Variants in HEMK1 observed in about 807,000 individuals in gnomAD.
HEMK1 encodes the protein HemK methyltransferase 1, mitochondrial release factors N(5)-glutamine.
Under a neutral mutation model 47.9 loss-of-function variants are expected in HEMK1, and 36 were observed. The observed-to-expected ratio is 0.75, with a 90% CI of 0.58 to 0.99. The LOEUF (loss-of-function observed/expected upper bound fraction) is 0.99, where lower values mean the gene tolerates loss of function less well. HEMK1 is among the 50% of genes least tolerant of loss of function. The pLI, the probability that HEMK1 is intolerant of heterozygous loss-of-function variation, is 0.00. For missense variants in HEMK1, 383 were observed against 434.5 expected, an observed-to-expected ratio of 0.88 and a Z score of 1.05; for synonymous variants, 153 against 165.4, an observed-to-expected ratio of 0.93 and a Z score of 0.57.
In HEMK1 at chr3:50,579,870, G is replaced by A. The variant is rs373558264; in HGVS notation, c.797G>A (p.Gly266Asp). The A allele has an allele frequency of 6.2e-7, 1 of 1,613,966 alleles. No homozygotes were observed. Among genetic ancestry groups the A allele is most frequent in the East Asian group, 2.2e-5 (1 of 44,874 alleles). ...TATGAAGACCCCGCGGCCCTGGATG[G>A]TGGGGAGGAGGGCATGGACATCATT... ...RSYEDPAALDGGEEGMDIITH... is the reference protein window; with the variant it reads ...RSYEDPAALDDGEEGMDIITH... Residue 266 changes from glycine (G) to aspartate (D), a missense_variant, in exon 9 of 11, where the codon GGT (glycine) becomes GAT (aspartate). Coordinates refer to ENST00000232854, the MANE Select transcript of HEMK1 (RefSeq NM_016173.5).
chr3:50,572,173 G>T lies in HEMK1; in HGVS notation c.379G>T (p.Val127Leu), dbSNP rs1314276299. Reference sequence around the variant, plus strand: ...CTTCCAGGGGCTCAGCCTAAGGATGGTGCCCCCAGTGTTTATTCCTCGGCC... The same window carrying T: ...CTTCCAGGGGCTCAGCCTAAGGATGTTGCCCCCAGTGTTTATTCCTCGGCC... ...WDFQGLSLRM[V>L]PPVFIPRPET... The change falls in exon 4 of 11, where the codon GTG becomes TTG. Residue 127 changes from valine to leucine, a missense_variant. Val to Leu is a conservative substitution (Grantham distance 32, BLOSUM62 1). Coordinates refer to ENST00000232854, the MANE Select transcript of HEMK1 (RefSeq NM_016173.5). 1 of 1,613,808 alleles carries T rather than the reference G, an allele frequency of 6.2e-7. No individual in the cohort carries two copies. Among genetic ancestry groups the T allele is most frequent in the African/African-American group, 1.3e-5 (1 of 74,882 alleles).
chr3:50,579,019 G>T, intron 8 of HEMK1, 93 bp downstream of exon 8: 2 of 922,328 alleles, frequency 2.2e-6, no homozygotes, highest in Non-Finnish European at 3.4e-6. Context: ...AGGGACAGGG[G>T]AGTTGGTGCT....
In HEMK1 at chr3:50,571,225, G is replaced by T. The variant is rs373864660; in HGVS notation, c.121G>T (p.Ala41Ser). The T allele has an allele frequency of 1.2e-6, 2 of 1,613,792 alleles. No individual in the cohort carries two copies. Among genetic ancestry groups the T allele is most frequent in the African/African-American group, 1.3e-5 (1 of 74,918 alleles). The change falls in exon 2 of 11, where the codon GCC (alanine) becomes TCC (serine). Residue 41 changes from alanine (A) to serine (S), a missense_variant. Coordinates refer to ENST00000232854, the MANE Select transcript of HEMK1 (RefSeq NM_016173.5). ...PQPPLAGLSS[A>S]IELVSHWTGV... is the part of the protein sequence containing the mutation. ...ACCACCTCTGGCTGGGTTATCCAGT[G>T]CCATAGAACTGGTCAGCCACTGGAC... is the stretch of plus-strand genomic sequence containing the variant.
Position 50,570,182 on chromosome 3 carries a change from T to A in HEMK1, c.-175+608T>A, listed in dbSNP as rs571395478. ...ACCTGAGTGACGCTGGGCAAGTCGC[T>A]TCCCTTCTCTGACCCTACTTGTATC... On this transcript the variant is annotated intron_variant, in intron 1 of 10. Coordinates refer to ENST00000232854, the MANE Select transcript of HEMK1 (RefSeq NM_016173.5). 5 of 152,334 alleles carry A rather than the reference T, an allele frequency of 3.3e-5. No homozygotes were observed. In the East Asian group the frequency reaches 9.7e-4, roughly 29 times the overall value. 9.4% of individuals were successfully genotyped at this position (152,334 alleles called of 1,614,324 possible). A position where few individuals can be genotyped will look rare whatever the true frequency, so the allele number is the denominator to read the frequency against.
intron 5 of HEMK1, 39 bp from the exon 6 acceptor site, chr3:50,577,470 C>T (rs1437880726): frequency 1.3e-5 from 21 of 1,594,908 alleles, no homozygotes; most frequent in Non-Finnish European, 1.8e-5. Context: ...CATCTCTCAG[C>T]ATTGCCTTCC....
At chr3:50,577,264 T>C in intron 5 of HEMK1, 78 bp downstream of exon 5, 1 of 1,501,754 alleles carries the variant, frequency 6.7e-7, no homozygotes, top group Non-Finnish European at 9.1e-7. Context: ...CCCACATCCC[T>C]CTGCTAGGAG....
Position 50,585,857 on chromosome 3 carries a change from C to G in HEMK1, c.*5440C>G, listed in dbSNP as rs1435456199. The G allele has an allele frequency of 6.6e-6, 1 of 152,216 alleles. No homozygotes were observed. The highest frequency in any genetic ancestry group is 1.5e-5 in the Non-Finnish European group (1 of 68,044). 9.4% of individuals were successfully genotyped at this position (152,216 alleles called of 1,614,324 possible). ...GTAACACAGCACTTGACTCCTGACT[C>G]CCAGTATGATGCTCTCATCTCCTAT... On this transcript the variant is annotated 3_prime_UTR_variant, in exon 11 of 11. Transcript: ENST00000232854.
At chr3:50,577,680 C>T (rs2029921911) in intron 6 of HEMK1, 107 bp downstream of exon 6, 12 of 1,381,846 alleles carry the variant, frequency 8.7e-6, no homozygotes, top group Non-Finnish European at 1.2e-5. Context: ...AGTGGGGTAG[C>T]CTGGCATGGG....
In HEMK1 at chr3:50,584,510, G is replaced by GT. The variant is rs1408501484; in HGVS notation, c.*4094dup. Reference sequence around the variant, plus strand: ...ACTGAGTATAATCACAAGGGCCTCTGTAAAGGAGGCAGGAGTGTCAGAGTG... The same window carrying GT: ...ACTGAGTATAATCACAAGGGCCTCTGTTAAAGGAGGCAGGAGTGTCAGAGTG... On this transcript the variant is annotated 3_prime_UTR_variant, in exon 11 of 11. Coordinates refer to ENST00000232854, the MANE Select transcript of HEMK1 (RefSeq NM_016173.5). 6.6e-6 allele frequency: 1 copy of GT among 152,248 alleles called. No individual in the cohort carries two copies. Among genetic ancestry groups the GT allele is most frequent in the Non-Finnish European group, 1.5e-5 (1 of 68,052 alleles). 9.4% of individuals were successfully genotyped at this position (152,248 alleles called of 1,614,324 possible). A position where few individuals can be genotyped will look rare whatever the true frequency, so the allele number is the denominator to read the frequency against.
intron 1 of HEMK1, 159 bp from the exon 2 acceptor site, chr3:50,570,772 T>C (rs915126507): frequency 9.1e-6 from 2 of 220,882 alleles, no homozygotes; most frequent in African/African-American, 4.6e-5. Flanking sequence ...GAAGAAAACG[T>C]AAGTGGCCAA....
chr3:50,582,336 T>A lies in HEMK1; in HGVS notation c.*1919T>A, dbSNP rs1432869130. On this transcript the variant is annotated 3_prime_UTR_variant, in exon 11 of 11. Transcript: ENST00000232854. ...AGAAAAATGTGCAGCTTGACTCTGC[T>A]GAGGAAAAGGTCCAAGCCAAGAGGA... The A allele has an allele frequency of 3.9e-5, 6 of 152,194 alleles. No individual in the cohort carries two copies. In the East Asian group the frequency reaches 1.2e-3, roughly 29 times the overall value. 9.4% of individuals were successfully genotyped at this position (152,194 alleles called of 1,614,324 possible).
intron 4 of HEMK1, among the ~76,000 whole-genome samples, chr3:50,572,747 G>T (rs980461549): frequency 6.6e-6 from 1 of 152,264 alleles, no homozygotes; most frequent in African/African-American, 2.4e-5. Context: ...AATCACCTGT[G>T]TTGTCCCTCA....
In HEMK1 at chr3:50,595,238, A is replaced by ATAT. The variant is rs1405214606; in HGVS notation, c.*14823_*14825dup. ...ACAAGTTAGTCTATCATAGTCTATC[A>ATAT]TATTCTCAAGGATCATGGCAGAAGG... On this transcript the variant is annotated 3_prime_UTR_variant, in exon 11 of 11. Coordinates refer to ENST00000232854, the MANE Select transcript of HEMK1 (RefSeq NM_016173.5). 4 of 152,228 alleles carry ATAT rather than the reference A, an allele frequency of 2.6e-5. No individual in the cohort carries two copies. The highest frequency in any genetic ancestry group is 9.6e-5 in the African/African-American group (4 of 41,452). 9.4% of individuals were successfully genotyped at this position (152,228 alleles called of 1,614,324 possible).
rs966662350 is a variant in HEMK1 at position 50,591,476 on chromosome 3, C to T, written c.*11059C>T. 1 of 152,316 alleles carries T rather than the reference C, an allele frequency of 6.6e-6. No homozygotes were observed. The highest frequency in any genetic ancestry group is 1.5e-5 in the Non-Finnish European group (1 of 68,110). The allele number at this position is 152,316 out of a possible 1,614,324, so 9.4% of individuals were successfully genotyped here. A position where few individuals can be genotyped will look rare whatever the true frequency, so the allele number is the denominator to read the frequency against. ...CACATGTACACAGCATAGAGACTCA[C>T]ACACCCTTGCACAGGCACCCACACG... On this transcript the variant is annotated 3_prime_UTR_variant, in exon 11 of 11. Coordinates refer to ENST00000232854, the MANE Select transcript of HEMK1 (RefSeq NM_016173.5).
In HEMK1 at chr3:50,592,717, A is replaced by G. The variant is rs1463287448; in HGVS notation, c.*12300A>G. 1 of 152,350 alleles carries G rather than the reference A, an allele frequency of 6.6e-6. No individual in the cohort carries two copies. Among genetic ancestry groups the G allele is most frequent in the Non-Finnish European group, 1.5e-5 (1 of 68,160 alleles). 9.4% of individuals were successfully genotyped at this position (152,350 alleles called of 1,614,324 possible). On this transcript the variant is annotated 3_prime_UTR_variant, in exon 11 of 11. Transcript: ENST00000232854. The stretch of plus-strand genomic sequence containing the variant: ...GGTGGGCCCTGGAGCTGGAAGAGGA[A>G]ACAGAGCCTCTGCCAGAGTCACCAC...
At position 50,582,126 on chromosome 3, in the gene HEMK1, C is replaced by G. The variant is rs1166837033; in HGVS notation, c.*1709C>G. On this transcript the variant is annotated 3_prime_UTR_variant, in exon 11 of 11. Coordinates refer to ENST00000232854, the MANE Select transcript of HEMK1 (RefSeq NM_016173.5). The stretch of plus-strand genomic sequence containing the variant: ...GACCTCGGAGCAGTCTGTCGCCCCC[C>G]TACACCTCAGCCAGTCCTGGCTTCC... 1.3e-5 allele frequency: 2 copies of G among 152,286 alleles called. No individual in the cohort carries two copies. Among genetic ancestry groups the G allele is most frequent in the African/African-American group, 4.8e-5 (2 of 41,450 alleles). The allele number at this position is 152,286 out of a possible 1,614,324, so 9.4% of individuals were successfully genotyped here.
At position 50,579,834 on chromosome 3, in the gene HEMK1, TGCCTTTCA is replaced by T; in HGVS notation, c.771-7_771del. ...CTCAGGCTGTCACCTCCCACTGCTT[TGCCTTTCA>T]GCTATGAAGACCCCGCGGCCCTGGA... is the stretch of plus-strand genomic sequence containing the variant. On this transcript the variant is annotated splice_acceptor_variant and splice_polypyrimidine_tract_variant and intron_variant, in intron 8 of 10. Transcript: ENST00000232854. LOFTEE classifies it high-confidence loss of function. The T allele has an allele frequency of 6.2e-7, 1 of 1,607,008 alleles. No homozygotes were observed. Among genetic ancestry groups the T allele is most frequent in the Non-Finnish European group, 8.5e-7 (1 of 1,174,510 alleles).
rs981674333 is a variant in HEMK1, at chr3:50,589,349, C to T, written c.*8932C>T. ...CAGCACAAACCCTGTTCTCTGAGCA[C>T]ATAGGAAGGATTCTAATGTGTCATA... On this transcript the variant is annotated 3_prime_UTR_variant, in exon 11 of 11. Transcript: ENST00000232854. 2.0e-5 allele frequency: 3 copies of T among 152,006 alleles called. No homozygotes were observed. Among genetic ancestry groups the T allele is most frequent in the African/African-American group, 7.3e-5 (3 of 41,368 alleles). The allele number at this position is 152,006 out of a possible 1,614,324, so 9.4% of individuals were successfully genotyped here. A position where few individuals can be genotyped will look rare whatever the true frequency, so the allele number is the denominator to read the frequency against.
Position 50,580,517 on chromosome 3 carries a change from G to T in HEMK1, c.*100G>T. ...CCAGGTTCTTATGGCATTTCCCAGG[G>T]TTCTGTGATTTCCCCATGCTCTGCA... On this transcript the variant is annotated 3_prime_UTR_variant, in exon 11 of 11. Transcript: ENST00000232854. 8.2e-7 allele frequency: 1 copy of T among 1,214,222 alleles called. No homozygotes were observed. Among genetic ancestry groups the T allele is most frequent in the South Asian group, 1.3e-5 (1 of 78,320 alleles). The allele number at this position is 1,214,222 out of a possible 1,614,324, so 75.2% of individuals were successfully genotyped here.
Sources: gnomAD v4.1 joint callset for allele counts (sites outside exome capture counted in the v4.1 genomes callset) on GRCh38, gnomAD v4.1.1 for gene constraint, MANE v1.5 for transcripts, NCBI Gene and HGNC (gene_info 2026-07-23, HGNC 2026-07-21) for gene names.